The following ZSWIM6 variants were observed in gnomAD, a reference collection of about 807,000 sequenced individuals.
The protein encoded by ZSWIM6 is zinc finger SWIM domain-containing protein 6.
Under a neutral mutation model 113.2 loss-of-function variants are expected in ZSWIM6, and 9 were observed. The ratio of observed to expected loss-of-function variants is 0.08; its 90% CI spans 0.05 to 0.14. The LOEUF is 0.14. Ranked by LOEUF, ZSWIM6 falls within the 10% of genes least tolerant of loss-of-function variation. The pLI, the probability that ZSWIM6 is intolerant of heterozygous loss-of-function variation, is 1.00. For synonymous variants in ZSWIM6, 611 were observed against 606.5 expected (o/e 1.01, Z -0.11); for missense variants, 1,162 against 1,552.2 (o/e 0.75, Z 4.22).
At chr5:61,337,844 T>C (rs1254758057) in intron 1 of ZSWIM6, among the ~76,000 whole-genome samples, 5 of 152,214 alleles carry the variant, frequency 3.3e-5, no homozygotes, top group Non-Finnish European at 1.5e-5. Flanking sequence ...TTTAACTTTT[T>C]ACTTTATACC....
chr5:61,423,513 G>A (rs777472308), intron 1 of ZSWIM6, among the ~76,000 whole-genome samples: 1 of 152,052 alleles, frequency 6.6e-6, no homozygotes, highest in Non-Finnish European at 1.5e-5. Flanking sequence ...AGTTATAGAT[G>A]TTGCATTTGT....
At chr5:61,461,164 C>T (rs1747316136) in intron 1 of ZSWIM6, among the ~76,000 whole-genome samples, 1 of 152,186 alleles carries the variant, frequency 6.6e-6, no homozygotes, top group Admixed American at 6.5e-5. Context: ...CTTTCTCTCT[C>T]CCCTTCCCTG....
intron 1 of ZSWIM6, among the ~76,000 whole-genome samples, chr5:61,394,579 C>T (rs1338763164): frequency 6.6e-6 from 1 of 152,270 alleles, no homozygotes; most frequent in Middle Eastern, 3.4e-3. Context: ...ATTAAGTACC[C>T]TCTGAATGGT....
At chr5:61,516,207 G>GT (rs1748935877) in intron 4 of ZSWIM6, among the ~76,000 whole-genome samples, 1 of 150,910 alleles carries the variant, frequency 6.6e-6, no homozygotes, top group Non-Finnish European at 1.5e-5. Context: ...TTAATCATTT[G>GT]TTTTTTGTTT....
At chr5:61,483,695 C>T (rs897662871) in intron 2 of ZSWIM6, among the ~76,000 whole-genome samples, 10 of 148,872 alleles carry the variant, frequency 6.7e-5, no homozygotes, top group African/African-American at 1.2e-4. Context: ...GATGAAACCC[C>T]GTCTCTACTA....
intron 1 of ZSWIM6, among the ~76,000 whole-genome samples, chr5:61,402,891 G>A (rs565663536): frequency 6.6e-6 from 1 of 152,114 alleles, no homozygotes; most frequent in Non-Finnish European, 1.5e-5. Flanking sequence ...ACTCATTTTT[G>A]TATGTAATTT....
At chr5:61,441,792 TTGAC>T (rs1208052137) in intron 1 of ZSWIM6, among the ~76,000 whole-genome samples, 1 of 152,192 alleles carries the variant, frequency 6.6e-6, no homozygotes, top group Non-Finnish European at 1.5e-5. Context: ...ACTTATCTGT[TTGAC>T]TGAGTTAGAG....
At chr5:61,459,852 G>A (rs554651800) in intron 1 of ZSWIM6, among the ~76,000 whole-genome samples, 2 of 152,202 alleles carry the variant, frequency 1.3e-5, no homozygotes, top group African/African-American at 2.4e-5. Flanking sequence ...AGGTCCTCCC[G>A]CAAAGGGAAT....
chr5:61,357,116 A>C (rs1744931028), intron 1 of ZSWIM6, among the ~76,000 whole-genome samples: 1 of 152,110 alleles, frequency 6.6e-6, no homozygotes, highest in East Asian at 1.9e-4. Flanking sequence ...GGGGCCTAGC[A>C]TCTGGGTTTT....
intron 1 of ZSWIM6, among the ~76,000 whole-genome samples, chr5:61,437,358 G>T (rs1304567758): frequency 1.3e-5 from 2 of 152,144 alleles, no homozygotes; most frequent in South Asian, 2.1e-4. Context: ...GTCATTTACT[G>T]CGGGCACCTG....
intron 8 of ZSWIM6, among the ~76,000 whole-genome samples, chr5:61,531,126 A>G (rs1749418279): frequency 1.3e-5 from 2 of 152,222 alleles, no homozygotes; most frequent in African/African-American, 2.4e-5. Context: ...AGTGCAAGTC[A>G]TCGTGTAATT....
chr5:61,395,338 G>A (rs1005807178), intron 1 of ZSWIM6, among the ~76,000 whole-genome samples: 2 of 152,114 alleles, frequency 1.3e-5, no homozygotes, highest in Non-Finnish European at 2.9e-5. Context: ...CAGACCAAGA[G>A]AGGACAGACA....
intron 3 of ZSWIM6, among the ~76,000 whole-genome samples, 159 bp from the exon 4 acceptor site, chr5:61,494,101 C>T (rs1748255443): frequency 6.6e-6 from 1 of 151,850 alleles, no homozygotes; most frequent in Non-Finnish European, 1.5e-5. Context: ...GAAGGCTTGA[C>T]ATCTCCCCGC....
chr5:61,367,583 C>T (rs528073159), intron 1 of ZSWIM6, among the ~76,000 whole-genome samples: 1 of 152,290 alleles, frequency 6.6e-6, no homozygotes, highest in Admixed American at 6.5e-5. Context: ...AGTGCAAGAA[C>T]ATTTTCTCTA....
chr5:61,346,643 C>T (rs1744664338), intron 1 of ZSWIM6, among the ~76,000 whole-genome samples: 1 of 152,132 alleles, frequency 6.6e-6, no homozygotes, highest in East Asian at 1.9e-4. Context: ...AAAACCAAAG[C>T]CCAGTAGGTA....
chr5:61,443,969 T>C (rs908167419), intron 1 of ZSWIM6, among the ~76,000 whole-genome samples: 1 of 152,156 alleles, frequency 6.6e-6, no homozygotes, highest in East Asian at 1.9e-4. Context: ...TATTATACTT[T>C]AAGTTTTAGG....
rs530404493 is a variant in ZSWIM6, at chr5:61,381,380, G to A, written c.676+48432G>A. 9.2e-5 allele frequency among the ~76,000 whole-genome samples: 14 copies of A among 152,338 alleles called. 1 individual carries two copies. In the Middle Eastern group the frequency reaches 0.024, roughly 259 times the overall value. ...AGTATGTAATATATTTGTAGAATGA[G>A]TCATTCTGGGACTTACTTTTTAAAG... On this transcript the variant is annotated intron_variant, in intron 1 of 13. Coordinates refer to ENST00000252744, the MANE Select transcript of ZSWIM6 (RefSeq NM_020928.2).
intron 1 of ZSWIM6, among the ~76,000 whole-genome samples, chr5:61,404,323 A>G (rs1746005361): frequency 1.3e-5 from 2 of 152,112 alleles, no homozygotes; most frequent in South Asian, 2.1e-4. Context: ...CTTGTTCCCA[A>G]TGGTTAAATT....
intron 1 of ZSWIM6, among the ~76,000 whole-genome samples, chr5:61,428,601 C>A (rs748078654): frequency 5.3e-5 from 8 of 151,664 alleles, no homozygotes; most frequent in Non-Finnish European, 1.2e-4. Flanking sequence ...AGACTCCTGA[C>A]CTTAAGCCAT....
Sources: gnomAD v4.1 joint callset for allele counts (sites outside exome capture counted in the v4.1 genomes callset) on GRCh38, gnomAD v4.1.1 for gene constraint, MANE v1.5 for transcripts, NCBI Gene and HGNC (gene_info 2026-07-23, HGNC 2026-07-21) for gene names.